Variants in NRXN3 observed in about 807,000 individuals in gnomAD.
The protein encoded by NRXN3 is neurexin 3, also known as neurexin III.
A neutral mutation model predicts 137.6 loss-of-function variants in NRXN3; 32 were observed. That is an observed-to-expected ratio of 0.23 (90% CI 0.18 to 0.31). The LOEUF is 0.31. Ranked by LOEUF, NRXN3 falls within the 10% of genes least tolerant of loss-of-function variation. The pLI is 1.00. For synonymous variants in NRXN3, 798 were observed against 784.5 expected (o/e 1.02, Z -0.29); for missense variants, 1,574 against 2,062.5 (o/e 0.76, Z 4.59).
At chr14:78,608,240 G>C (rs1270627665) in intron 4 of NRXN3, among the ~76,000 whole-genome samples, 1 of 152,126 alleles carries the variant, frequency 6.6e-6, no homozygotes, top group East Asian at 1.9e-4. Context: ...ATGTGGGTCT[G>C]AAATGTTACA....
At chr14:79,461,281 T>C (rs2096336135) in intron 15 of NRXN3, among the ~76,000 whole-genome samples, 1 of 152,196 alleles carries the variant, frequency 6.6e-6, no homozygotes, top group South Asian at 2.1e-4. Context: ...ACAGATCAAG[T>C]TGTTTAATCT....
intron 19 of NRXN3, among the ~76,000 whole-genome samples, chr14:79,800,182 G>T (rs953239590): frequency 6.6e-6 from 1 of 152,302 alleles, no homozygotes; most frequent in South Asian, 2.1e-4. Context: ...GACAATCATT[G>T]TGAGGGGAAA....
intron 15 of NRXN3, among the ~76,000 whole-genome samples, chr14:79,031,163 G>A (rs1339459309): frequency 1.3e-5 from 2 of 152,068 alleles, no homozygotes; most frequent in African/African-American, 4.8e-5. Flanking sequence ...AATCCTAAGG[G>A]GAGGTCAGGG....
At chr14:79,079,587 A>G (rs941357091) in intron 15 of NRXN3, among the ~76,000 whole-genome samples, 1 of 152,194 alleles carries the variant, frequency 6.6e-6, no homozygotes, top group Non-Finnish European at 1.5e-5. Flanking sequence ...CTTACCTACT[A>G]TAAAGTTTTG....
rs563487450 is a variant in NRXN3 at position 79,634,585 on chromosome 14, A to T, written c.3445-29193A>T. The stretch of plus-strand genomic sequence containing the variant: ...ACAGAAACATAAAGTTGACTTGATC[A>T]TGCCCATTTTATAAATAAAGGAATG... On this transcript the variant is annotated intron_variant, in intron 16 of 20. Transcript: ENST00000335750. 1.2e-4 allele frequency among the ~76,000 whole-genome samples: 19 copies of T among 152,342 alleles called. No individual in the cohort carries two copies. The East Asian group carries it at 3.5e-3, about 28-fold the overall frequency.
intron 8 of NRXN3, among the ~76,000 whole-genome samples, chr14:78,795,951 CT>C (rs1213299577): frequency 6.6e-6 from 1 of 152,232 alleles, no homozygotes; most frequent in African/African-American, 2.4e-5. Context: ...TAGCTCACCC[CT>C]GCTCCTTGTT....
intron 15 of NRXN3, among the ~76,000 whole-genome samples, chr14:79,314,895 T>C (rs527967184): frequency 3.2e-4 from 49 of 151,942 alleles, no homozygotes; most frequent in South Asian, 2.9e-3. Context: ...AAAGGACATC[T>C]ACACTGAAAA....
intron 15 of NRXN3, among the ~76,000 whole-genome samples, chr14:78,998,340 G>A (rs760695657): frequency 2.6e-5 from 4 of 152,174 alleles, no homozygotes; most frequent in Admixed American, 6.5e-5. Flanking sequence ...GCTTCAAGCC[G>A]CAAATTCTAA....
intron 15 of NRXN3, among the ~76,000 whole-genome samples, chr14:79,225,718 C>T (rs894670102): frequency 1.3e-5 from 2 of 152,050 alleles, no homozygotes; most frequent in African/African-American, 2.4e-5. Flanking sequence ...TAAAATGTTT[C>T]GTAAACCACT....
At chr14:79,762,993 T>G (rs2099043822) in intron 19 of NRXN3, among the ~76,000 whole-genome samples, 1 of 151,572 alleles carries the variant, frequency 6.6e-6, no homozygotes. Context: ...ACATTAGGTA[T>G]TTTTCCTAAT....
At position 78,243,455 on chromosome 14, in the gene NRXN3, C is replaced by T. The variant is rs1436613332; in HGVS notation, c.362C>T (p.Thr121Met). 28 of 1,579,020 alleles carry T rather than the reference C, an allele frequency of 1.8e-5. 1 individual carries two copies. The highest frequency in any genetic ancestry group is 1.0e-4 in the South Asian group (9 of 88,210). ...FLMVSRDRLR[T>M]VLMLDGEGQS... Reference sequence around the variant, plus strand: ...ATGGTGAGCCGTGACCGCCTGCGCACGGTGCTGATGCTTGATGGCGAGGGC... The same window carrying T: ...ATGGTGAGCCGTGACCGCCTGCGCATGGTGCTGATGCTTGATGGCGAGGGC... The change falls in exon 2 of 21, where the codon ACG becomes ATG. Residue 121 changes from threonine to methionine, a missense_variant. Around this residue, in one of 5 missense-constraint regions of NRXN3, gnomAD observed 400 missense variants for 527.3 expected, o/e 0.76. Transcript: ENST00000335750. The surrounding 1 kb of genome is among the most constrained non-coding windows in gnomAD (Gnocchi z 4.2).
intron 16 of NRXN3, among the ~76,000 whole-genome samples, chr14:79,486,566 G>C (rs1350833972): frequency 6.6e-6 from 1 of 152,124 alleles, no homozygotes; most frequent in Non-Finnish European, 1.5e-5. Flanking sequence ...CAGTATCAAT[G>C]GTTATGTACT....
chr14:79,599,393 G>A (rs1278446550), intron 16 of NRXN3, among the ~76,000 whole-genome samples: 2 of 152,140 alleles, frequency 1.3e-5, no homozygotes, highest in Non-Finnish European at 2.9e-5. Flanking sequence ...AAACTACCTT[G>A]TTCTACTTTC....
intron 20 of NRXN3, chr14:79,853,996 A>G (rs1259935423): frequency 1.0e-6 from 1 of 986,634 alleles, no homozygotes; most frequent in Non-Finnish European, 1.2e-6. Context: ...TTTTTATGTT[A>G]TGTGGTGTGG....
chr14:79,234,509 C>T (rs1052441184), intron 15 of NRXN3, among the ~76,000 whole-genome samples: 13 of 150,392 alleles, frequency 8.6e-5, no homozygotes, highest in South Asian at 2.1e-4. Flanking sequence ...CTCAGCCTCC[C>T]GAGTATCTGG....
chr14:78,724,663 A>G (rs947703086), intron 8 of NRXN3, among the ~76,000 whole-genome samples: 2 of 152,196 alleles, frequency 1.3e-5, no homozygotes, highest in Admixed American at 1.3e-4. Flanking sequence ...ATGTCTCATG[A>G]TCTTCTAGGC....
chr14:78,899,545 T>C (rs986635343), intron 10 of NRXN3, among the ~76,000 whole-genome samples: 2 of 151,972 alleles, frequency 1.3e-5, no homozygotes, highest in Admixed American at 1.3e-4. Flanking sequence ...AATATTCTTC[T>C]TAGTGAGATT....
intron 15 of NRXN3, among the ~76,000 whole-genome samples, chr14:79,260,026 G>T (rs917849028): frequency 5.9e-5 from 9 of 152,072 alleles, no homozygotes; most frequent in Admixed American, 1.3e-4. Context: ...TAGAGCTGAT[G>T]AATTTGCACT....
intron 15 of NRXN3, among the ~76,000 whole-genome samples, chr14:79,389,800 T>C (rs1248924614): frequency 6.6e-6 from 1 of 152,160 alleles, no homozygotes; most frequent in Non-Finnish European, 1.5e-5. Context: ...TCTCTCTCTC[T>C]CTGATTAATC....
Sources: allele counts gnomAD v4.1 joint callset (sites outside exome capture counted in the v4.1 genomes callset), GRCh38; gene constraint gnomAD v4.1.1; regional missense constraint gnomAD v4.1.1; non-coding constraint Gnocchi (gnomAD v3.1); transcripts MANE v1.5; gene names NCBI Gene and HGNC (gene_info 2026-07-23, HGNC 2026-07-21).